CCDC178: variants seen among roughly 807,000 people sequenced by gnomAD.
The protein encoded by CCDC178 is coiled-coil domain-containing protein 178.
In CCDC178, 126 loss-of-function variants were observed where a neutral mutation model predicts 117.4. The ratio of observed to expected loss-of-function variants is 1.07; its 90% CI spans 0.93 to 1.24. The LOEUF (loss-of-function observed/expected upper bound fraction) is 1.24, where lower values mean the gene tolerates loss of function less well. Ranked by LOEUF, CCDC178 falls within the 50% of genes most tolerant of loss-of-function variation. The pLI, the probability that CCDC178 is intolerant of heterozygous loss-of-function variation, is 0.00. For missense variants in CCDC178, 1,030 were observed against 986.9 expected (o/e 1.04, Z -0.59); for synonymous variants, 283 against 313.4 (o/e 0.90, Z 1.02).
At chr18:33,368,810 T>A (rs946026340) in intron 6 of CCDC178, among the ~76,000 whole-genome samples, 1 of 152,030 alleles carries the variant, frequency 6.6e-6, no homozygotes, top group African/African-American at 2.4e-5. Context: ...AATGTCTGAC[T>A]TATATTAGTT....
intron 20 of CCDC178, among the ~76,000 whole-genome samples, chr18:33,141,999 T>A (rs2058211412): frequency 6.6e-6 from 1 of 152,122 alleles, no homozygotes; most frequent in African/African-American, 2.4e-5. Flanking sequence ...CCCCAGCAAA[T>A]GCTCACCTAC....
Position 33,215,608 on chromosome 18 carries a change from C to T in CCDC178, c.2020G>A (p.Glu674Lys), listed in dbSNP as rs1412748543. 2 of 1,512,438 alleles carry T rather than the reference C, an allele frequency of 1.3e-6. No homozygotes were observed. Among genetic ancestry groups the T allele is most frequent in the Non-Finnish European group, 8.8e-7 (1 of 1,130,512 alleles). The allele number at this position is 1,512,438 out of a possible 1,614,324, so 93.7% of individuals were successfully genotyped here. The change falls in exon 19 of 23, where the codon GAA becomes AAA. Residue 674 changes from glutamate to lysine, a missense_variant. By Grantham distance (56) the Glu-to-Lys change is moderately conservative (BLOSUM62 1). Transcript: ENST00000383096. ...TTTTCTTCTTCTTTTGCTTTTAATT[C>T]CTCATTCAATTCATTTATTTTTGCA... is the stretch of plus-strand genomic sequence containing the variant. ...FYAKINELNE[E>K]LKAKEEEKKS...
At chr18:33,418,801 C>T (rs2063984272) in intron 2 of CCDC178, among the ~76,000 whole-genome samples, 2 of 152,044 alleles carry the variant, frequency 1.3e-5, no homozygotes, top group Non-Finnish European at 2.9e-5. Context: ...AAGATCTCTA[C>T]AATGAGAATT....
intron 2 of CCDC178, among the ~76,000 whole-genome samples, chr18:33,412,721 C>A (rs1436652089): frequency 6.6e-6 from 1 of 152,012 alleles, no homozygotes; most frequent in Non-Finnish European, 1.5e-5. Flanking sequence ...AGCCATAATA[C>A]CAATAATGTA....
At chr18:33,407,120 A>C (rs2063792246) in intron 3 of CCDC178, among the ~76,000 whole-genome samples, 1 of 152,172 alleles carries the variant, frequency 6.6e-6, no homozygotes, top group Admixed American at 6.6e-5. Context: ...AGCAGAGTAC[A>C]TCCAACCAGG....
rs772924265 is a variant in CCDC178 at position 33,333,354 on chromosome 18, C to T, written c.699G>A (p.Trp233Ter). The change falls in exon 10 of 23, where the codon TGG becomes TGA. Residue 233 changes from tryptophan to a stop codon, truncating the protein, a stop_gained. Coordinates refer to ENST00000383096, the MANE Select transcript of CCDC178 (RefSeq NM_001105528.4). LOFTEE classifies it high-confidence loss of function. ...GTTGATTAGCTTTATCTTCAAGATG[C>T]CATTGTAATTCTATAACATCACTCA... ...AYLSDVIELQ[W>*]HLEDKANQLQ... 3.1e-6 allele frequency: 5 copies of T among 1,610,378 alleles called. No homozygotes were observed. The South Asian group carries it at 4.4e-5, about 14-fold the overall frequency.
At chr18:33,119,567 A>G (rs1409479980) in intron 20 of CCDC178, among the ~76,000 whole-genome samples, 3 of 152,172 alleles carry the variant, frequency 2.0e-5, no homozygotes, top group Admixed American at 1.3e-4. Context: ...AGAAATAGGA[A>G]CACTTTTACA....
chr18:33,384,637 A>G (rs187149531), intron 5 of CCDC178, among the ~76,000 whole-genome samples: 1 of 152,314 alleles, frequency 6.6e-6, no homozygotes, highest in Non-Finnish European at 1.5e-5. Context: ...AAGGAGAAAT[A>G]AAATCTTTTT....
At chr18:33,007,081 A>G (rs1157690841) in intron 21 of CCDC178, among the ~76,000 whole-genome samples, 1 of 152,128 alleles carries the variant, frequency 6.6e-6, no homozygotes, top group Non-Finnish European at 1.5e-5. Context: ...TTTGTTACAC[A>G]GCAATAGAAA....
intron 17 of CCDC178, 113 bp downstream of exon 17, chr18:33,224,662 A>T (rs2059279640): frequency 1.7e-6 from 1 of 592,566 alleles, no homozygotes; most frequent in Non-Finnish European, 2.7e-6. Flanking sequence ...ATAGTTACTT[A>T]GTTTGCCCCT....
At position 33,383,601 on chromosome 18, in the gene CCDC178, G is replaced by T. The variant is rs142827730; in HGVS notation, c.208+5939C>A. Among the ~76,000 whole-genome samples, 106 of 152,142 alleles carry T rather than the reference G, an allele frequency of 7.0e-4. 1 individual carries two copies. The highest frequency in any genetic ancestry group is 2.5e-3 in the African/African-American group (104 of 41,500). ...GTCTGGAGTGGACACCTAGCAAACT[G>T]CAGCAGACCTGCATAAGAGGGGCCT... On this transcript the variant is annotated intron_variant, in intron 5 of 22. Transcript: ENST00000383096.
intron 19 of CCDC178, among the ~76,000 whole-genome samples, chr18:33,213,314 C>T (rs2059128391): frequency 6.6e-6 from 1 of 151,960 alleles, no homozygotes; most frequent in Non-Finnish European, 1.5e-5. Flanking sequence ...ACTTTGTTTA[C>T]AGTTAGTGGA....
chr18:33,422,811 C>A (rs2064046542), intron 2 of CCDC178, among the ~76,000 whole-genome samples: 1 of 152,110 alleles, frequency 6.6e-6, no homozygotes, highest in Non-Finnish European at 1.5e-5. Flanking sequence ...TGTTTATAAT[C>A]CTACAGATTT....
chr18:33,351,255 C>T (rs570119814), intron 7 of CCDC178, among the ~76,000 whole-genome samples: 99 of 151,736 alleles, frequency 6.5e-4, no homozygotes, highest in Middle Eastern at 3.4e-3. Flanking sequence ...TGCAGTGGAG[C>T]GATCTTGGCT....
chr18:33,040,487 G>T (rs936054550), intron 21 of CCDC178, among the ~76,000 whole-genome samples: 1 of 151,896 alleles, frequency 6.6e-6, no homozygotes, highest in African/African-American at 2.4e-5. Context: ...CAATACAAAA[G>T]ACCAGAAACT....
intron 21 of CCDC178, among the ~76,000 whole-genome samples, chr18:33,050,682 G>A (rs2056730635): frequency 6.6e-6 from 1 of 152,148 alleles, no homozygotes; most frequent in Non-Finnish European, 1.5e-5. Context: ...AGGAGCTAGT[G>A]CATCTTCCAA....
chr18:33,109,568 C>T (rs913342948), intron 20 of CCDC178, among the ~76,000 whole-genome samples: 1 of 151,402 alleles, frequency 6.6e-6, no homozygotes, highest in African/African-American at 2.4e-5. Context: ...AATGAATACA[C>T]CAACATAACT....
rs976957051 is a variant in CCDC178, at chr18:33,440,654, G to C, written c.-144C>G. 2 of 151,470 alleles carry C rather than the reference G, an allele frequency of 1.3e-5. No individual in the cohort carries two copies. The highest frequency in any genetic ancestry group is 3.9e-4 in the East Asian group (2 of 5,122). The allele number at this position is 151,470 out of a possible 1,614,324, so 9.4% of individuals were successfully genotyped here. A position where few individuals can be genotyped will look rare whatever the true frequency, so the allele number is the denominator to read the frequency against. On this transcript the variant is annotated splice_region_variant and 5_prime_UTR_variant, in exon 1 of 23. Transcript: ENST00000383096. ...GAGGCACAAGCGCCCCCGACTCACC[G>C]GCTCCGCGCGTTTCCCCGCGCGTCT... is the stretch of plus-strand genomic sequence containing the variant.
At chr18:33,250,175 G>A (rs1278236586) in intron 14 of CCDC178, among the ~76,000 whole-genome samples, 1 of 151,700 alleles carries the variant, frequency 6.6e-6, no homozygotes, top group African/African-American at 2.4e-5. Context: ...ACAAATATAT[G>A]TATTGATTGT....
Sources: gnomAD v4.1 joint callset for allele counts (sites outside exome capture counted in the v4.1 genomes callset) on GRCh38, gnomAD v4.1.1 for gene constraint, MANE v1.5 for transcripts, NCBI Gene and HGNC (gene_info 2026-07-23, HGNC 2026-07-21) for gene names.